COL2A1: variants seen among roughly 807,000 people sequenced by gnomAD.
The protein encoded by COL2A1 is collagen alpha-1(II) chain.
In COL2A1, 28 loss-of-function variants were observed where a neutral mutation model predicts 204.5. That is an observed-to-expected ratio of 0.14 (90% confidence interval 0.10 to 0.19). The LOEUF is 0.19. COL2A1 is among the 10% of genes least tolerant of loss of function. The pLI is 1.00. For synonymous variants in COL2A1, 708 were observed against 718.7 expected, an observed-to-expected ratio of 0.99 and a Z score of 0.24; for missense variants, 1,388 against 2,027.5, an observed-to-expected ratio of 0.68 and a Z score of 6.06.
chr12:47,983,528 G>T (rs1939210700), intron 30 of COL2A1, 90 bp from the exon 31 acceptor site: 6 of 1,487,372 alleles, frequency 4.0e-6, no homozygotes, highest in Non-Finnish European at 5.6e-6. Flanking sequence ...CCCAAAGAAA[G>T]GAAGCAGCAG....
At chr12:47,990,901 GGGGTA>G (rs1939671081) in intron 16 of COL2A1, among the ~76,000 whole-genome samples, 1 of 152,170 alleles carries the variant, frequency 6.6e-6, no homozygotes, top group Non-Finnish European at 1.5e-5. Context: ...GCAGGTCAGG[GGGGTA>G]CCTTTTCCTG....
chr12:47,977,180 CAGAGA>C (rs748408841), intron 46 of COL2A1, 25 bp from the exon 47 acceptor site: 2 of 1,611,724 alleles, frequency 1.2e-6, no homozygotes, highest in South Asian at 1.1e-5. Flanking sequence ...AGCGCAGCGT[CAGAGA>C]AAAGCCAGGA....
chr12:47,986,735 A>T (rs573078084), intron 22 of COL2A1, 100 bp downstream of exon 22: 371 of 1,361,554 alleles, frequency 2.7e-4, no homozygotes, highest in Non-Finnish European at 3.3e-4. Flanking sequence ...AGATTGGGGG[A>T]TAGAGCCCTG....
Position 47,983,093 on chromosome 12 carries a change from C to T in COL2A1, c.2094G>A (p.Arg698=), listed in dbSNP as rs1939187353. 6.2e-7 allele frequency: 1 copy of T among 1,613,936 alleles called. No individual in the cohort carries two copies. Among genetic ancestry groups the T allele is most frequent in the Non-Finnish European group, 8.5e-7 (1 of 1,179,920 alleles). The change falls in exon 32 of 54, where the codon AGG becomes AGA. Residue 698 remains arginine (R), a splice_region_variant and synonymous_variant. Transcript: ENST00000380518. ...CCGCATTGGCCAACAGGATACTCACCCTGGGACCCACGAGGCCAGGGGCTC... is the reference window on the plus strand; with the variant it reads ...CCGCATTGGCCAACAGGATACTCACTCTGGGACCCACGAGGCCAGGGGCTC... ...EAGAPGLVGP[R]GERGFPGERG...
In COL2A1 at chr12:47,980,567, G is replaced by T; in HGVS notation, c.2612C>A (p.Ala871Glu). 6.2e-7 allele frequency: 1 copy of T among 1,609,918 alleles called. No individual in the cohort carries two copies. Among genetic ancestry groups the T allele is most frequent in the Non-Finnish European group, 8.5e-7 (1 of 1,178,322 alleles). The change falls in exon 39 of 54, where the codon GCA (alanine) becomes GAA (glutamate). Residue 871 changes from alanine to glutamate, a missense_variant. By Grantham distance (107) the Ala-to-Glu change is moderately radical. Coordinates refer to ENST00000380518, the MANE Select transcript of COL2A1 (RefSeq NM_001844.5). This position sits in a 1 kb window ranked among gnomAD's most constrained non-coding sequence, Gnocchi z 4.5. ...AGCGTTACCCACCTGAGGCCCAGGT[G>T]CTCCAGAGGGGCCCTGAGGACCAGG... Reference protein sequence around the residue: ...GAPGPQGPSGAPGPQGPTGVT... With the variant: ...GAPGPQGPSGEPGPQGPTGVT...
chr12:47,996,481 ACT>A lies in COL2A1; in HGVS notation c.609+65_609+66del. 3.9e-6 allele frequency: 5 copies of A among 1,274,516 alleles called. No homozygotes were observed. In the East Asian group the frequency reaches 1.2e-4, roughly 29 times the overall value. The allele number at this position is 1,274,516 out of a possible 1,614,324, so 79.0% of individuals were successfully genotyped here. Reference sequence around the variant, plus strand: ...TTATCTGTAAAGCAGAGGTTGTCAGACTCTCTGGCTCTGCTAAGGGCCACCTC... The same window carrying A: ...TTATCTGTAAAGCAGAGGTTGTCAGACTCTGGCTCTGCTAAGGGCCACCTC... On this transcript the variant is annotated intron_variant, in intron 8 of 53. Coordinates refer to ENST00000380518, the MANE Select transcript of COL2A1 (RefSeq NM_001844.5).
At chr12:47,994,205 C>A (rs2136611290) in intron 12 of COL2A1, among the ~76,000 whole-genome samples, 158 bp from the exon 13 acceptor site, 1 of 152,328 alleles carries the variant, frequency 6.6e-6, no homozygotes, top group South Asian at 2.1e-4. Flanking sequence ...GACCACCCCT[C>A]CCCGTACCCC....
chr12:47,990,348 TTC>T (rs1939647593), intron 16 of COL2A1, among the ~76,000 whole-genome samples: 1 of 152,206 alleles, frequency 6.6e-6, no homozygotes, highest in African/African-American at 2.4e-5. Context: ...TTCTCTTTTC[TTC>T]AACTTCAGTT....
At chr12:48,004,785 G>C (rs1379088848), upstream of COL2A1, among the ~76,000 whole-genome samples, 1 of 152,226 alleles carries the variant, frequency 6.6e-6, no homozygotes, top group Admixed American at 6.5e-5. Flanking sequence ...CGGGAAGGGT[G>C]GCCTCCGGCC....
chr12:47,984,432 T>C (rs549607931), intron 28 of COL2A1, 114 bp downstream of exon 28: 2 of 1,106,452 alleles, frequency 1.8e-6, no homozygotes, highest in African/African-American at 1.5e-5. Flanking sequence ...GCCACAGAGA[T>C]CAACACTCAA....
At chr12:47,989,665 G>C (rs935744702) in intron 17 of COL2A1, 96 bp downstream of exon 17, 27 of 1,025,048 alleles carry the variant, frequency 2.6e-5, no homozygotes, top group Admixed American at 6.7e-5. Flanking sequence ...GAGTGCTGCT[G>C]TGGTTGCACC....
chr12:47,990,972 AG>A (rs1939674779), intron 16 of COL2A1, among the ~76,000 whole-genome samples: 1 of 152,210 alleles, frequency 6.6e-6, no homozygotes, highest in Admixed American at 6.5e-5. Context: ...AGGATGCTTT[AG>A]GGGGAGCTCG....
Position 47,980,797 on chromosome 12 carries a change from GGGAAA to G in COL2A1, c.2517+113_2517+117del. The G allele has an allele frequency of 7.1e-7, 1 of 1,405,866 alleles. No homozygotes were observed. The highest frequency in any genetic ancestry group is 9.9e-7 in the Non-Finnish European group (1 of 1,014,332). The allele number at this position is 1,405,866 out of a possible 1,614,324, so 87.1% of individuals were successfully genotyped here. The stretch of plus-strand genomic sequence containing the variant: ...ATGATGGTTCTATTAGTATGGAGGC[GGGAAA>G]GGAGAGGAGAGGAGCATCCATTTCC... On this transcript the variant is annotated intron_variant, in intron 38 of 53. Transcript: ENST00000380518. This position sits in a 1 kb window ranked among gnomAD's most constrained non-coding sequence, Gnocchi z 4.5.
chr12:48,000,184 C>A, intron 1 of COL2A1, 59 bp from the exon 2 acceptor site: 2 of 1,257,800 alleles, frequency 1.6e-6, no homozygotes, highest in East Asian at 2.4e-5. Context: ...GGTGGGGAGC[C>A]AGAGAGAAAA....
At position 47,984,187 on chromosome 12, in the gene COL2A1, A is replaced by G. The variant is rs1635550; in HGVS notation, c.1888-47T>C. On this transcript the variant is annotated intron_variant, in intron 28 of 53. Transcript: ENST00000380518. Reference sequence around the variant, plus strand: ...AAGTCAATGACACGCTTTTCTTCCCACTTGCAGTCCCCCTAGGATTGGGCA... The same window carrying G: ...AAGTCAATGACACGCTTTTCTTCCCGCTTGCAGTCCCCCTAGGATTGGGCA... 1,258,829 of 1,574,222 alleles carry G rather than the reference A, an allele frequency of 0.8. 507,934 individuals carry two copies. Among genetic ancestry groups the G allele is most frequent in the Non-Finnish European group, 0.84 (961,519 of 1,150,448 alleles).
In COL2A1 at chr12:47,982,533, G is replaced by A. The variant is rs1229838046; in HGVS notation, c.2270C>T (p.Ala757Val). Reference sequence around the variant, plus strand: ...GCCTTTGGGCCCAGCGATACCAGCTGCTCCCCTCTCGCCAGGCATTCCCTG... The same window carrying A: ...GCCTTTGGGCCCAGCGATACCAGCTACTCCCCTCTCGCCAGGCATTCCCTG... The part of the protein sequence containing the change: ...GLQGMPGERG[A>V]AGIAGPKGDR... Residue 757 changes from alanine to valine, a missense_variant, in exon 34 of 54, where the codon GCA becomes GTA. Physicochemically the swap from Ala to Val is moderately conservative, Grantham distance 64. This residue lies in a region of COL2A1 where 884 missense variants were observed against 1,415.8 expected (regional missense o/e 0.62). Coordinates refer to ENST00000380518, the MANE Select transcript of COL2A1 (RefSeq NM_001844.5). The A allele has an allele frequency of 6.2e-7, 1 of 1,613,892 alleles. No homozygotes were observed. Among genetic ancestry groups the A allele is most frequent in the South Asian group, 1.1e-5 (1 of 91,082 alleles).
intron 29 of COL2A1, 54 bp downstream of exon 29, chr12:47,984,033 C>G: frequency 6.7e-7 from 1 of 1,497,356 alleles, no homozygotes; most frequent in Non-Finnish European, 9.2e-7. Flanking sequence ...CCCACCCCCA[C>G]CCCTCCCAGC....
At position 47,976,481 on chromosome 12, in the gene COL2A1, G is replaced by A. The variant is rs760348564; in HGVS notation, c.3489+33C>T. The A allele has an allele frequency of 6.2e-6, 10 of 1,610,550 alleles. No homozygotes were observed. Among genetic ancestry groups the A allele is most frequent in the South Asian group, 2.2e-5 (2 of 90,990 alleles). ...AACACAGGCCCACACTCTCTGAAGG[G>A]CCCCCTCCATCTTCCAACTCCATGT... On this transcript the variant is annotated intron_variant, in intron 49 of 53. Coordinates refer to ENST00000380518, the MANE Select transcript of COL2A1 (RefSeq NM_001844.5). The surrounding 1 kb of genome is among the most constrained non-coding windows in gnomAD (Gnocchi z 4.3).
chr12:48,001,877 A>G (rs1940252341), intron 1 of COL2A1, among the ~76,000 whole-genome samples: 1 of 152,206 alleles, frequency 6.6e-6, no homozygotes, highest in Admixed American at 6.5e-5. Context: ...GGTTCCCCTC[A>G]TTACCGCAGG....
Sources: allele counts gnomAD v4.1 joint callset (sites outside exome capture counted in the v4.1 genomes callset), GRCh38; gene constraint gnomAD v4.1.1; regional missense constraint gnomAD v4.1.1; non-coding constraint Gnocchi (gnomAD v3.1); transcripts MANE v1.5; gene names NCBI Gene and HGNC (gene_info 2026-07-23, HGNC 2026-07-21).